Variants in IMMP1L observed in about 807,000 individuals in gnomAD.
The protein encoded by IMMP1L is inner mitochondrial membrane peptidase subunit 1.
In IMMP1L, 24 loss-of-function variants were observed where a neutral mutation model predicts 21.8. That is an observed-to-expected ratio of 1.10 (90% CI 0.80 to 1.55). IMMP1L has a LOEUF of 1.55. Among genes scored for constraint, IMMP1L ranks in the 40% most tolerant of loss-of-function variants. The pLI is 0.00. For missense variants in IMMP1L, 195 were observed against 200.7 expected, an observed-to-expected ratio of 0.97 and a Z score of 0.17; for synonymous variants, 46 against 62.8, an observed-to-expected ratio of 0.73 and a Z score of 1.26.
intron 1 of IMMP1L, among the ~76,000 whole-genome samples, chr11:31,492,754 G>T (rs756240063): frequency 6.6e-6 from 1 of 152,164 alleles, no homozygotes; most frequent in Admixed American, 6.5e-5. Flanking sequence ...CAGCGAAGGA[G>T]AGCTGGGGGG....
chr11:31,499,366 A>AAAAAC (rs144325871), intron 1 of IMMP1L, among the ~76,000 whole-genome samples: 38,888 of 150,574 alleles, frequency 0.26, 5,169 homozygotes, highest in South Asian at 0.34. Flanking sequence ...CTCCGTATCA[A>AAAAAC]AAAACAAAAC....
At chr11:31,499,647 A>AT (rs1340146933) in intron 1 of IMMP1L, among the ~76,000 whole-genome samples, 1 of 152,122 alleles carries the variant, frequency 6.6e-6, no homozygotes, top group Non-Finnish European at 1.5e-5. Context: ...GCAGCAGCAT[A>AT]TTTTTTATAA....
At chr11:31,497,069 T>C (rs998662676) in intron 1 of IMMP1L, among the ~76,000 whole-genome samples, 4 of 150,926 alleles carry the variant, frequency 2.7e-5, no homozygotes, top group African/African-American at 7.3e-5. Context: ...CACACACAGA[T>C]GGTCCCTGAC....
At chr11:31,507,987 G>T (rs73461170) in intron 1 of IMMP1L, among the ~76,000 whole-genome samples, 6,462 of 152,044 alleles carry the variant, frequency 0.043, 365 homozygotes, top group African/African-American at 0.11. Context: ...ATTTCAAAAA[G>T]TTCACAGCAT....
chr11:31,469,390 T>A (rs1954470619), intron 1 of IMMP1L, among the ~76,000 whole-genome samples: 1 of 151,568 alleles, frequency 6.6e-6, no homozygotes, highest in Admixed American at 6.6e-5. Context: ...AGTTCAGCAG[T>A]GACCTAAAAT....
intron 1 of IMMP1L, 140 bp from the exon 2 acceptor site, chr11:31,463,445 A>G: frequency 1.4e-6 from 1 of 709,548 alleles, no homozygotes; most frequent in South Asian, 3.5e-5. Context: ...AGAGTTTGTT[A>G]TCAGTTCTAA....
intron 5 of IMMP1L, 116 bp downstream of exon 5, chr11:31,433,344 A>C: frequency 1.7e-6 from 1 of 574,994 alleles, no homozygotes. Flanking sequence ...GGTTCAAAAA[A>C]TATATTCGGT....
chr11:31,494,551 T>C (rs547159498), intron 1 of IMMP1L, among the ~76,000 whole-genome samples: 11 of 152,350 alleles, frequency 7.2e-5, no homozygotes, highest in Non-Finnish European at 1.3e-4. Flanking sequence ...ACTGGGCTCC[T>C]TGTTACTCAT....
At chr11:31,443,401 A>G (rs1953405600) in intron 4 of IMMP1L, among the ~76,000 whole-genome samples, 2 of 152,228 alleles carry the variant, frequency 1.3e-5, no homozygotes, top group African/African-American at 2.4e-5. Flanking sequence ...GGACTTTTAG[A>G]ACACAAAGGT....
At chr11:31,484,583 T>C (rs1031138819) in intron 1 of IMMP1L, among the ~76,000 whole-genome samples, 3 of 151,926 alleles carry the variant, frequency 2.0e-5, no homozygotes, top group African/African-American at 2.4e-5. Flanking sequence ...AAAACTCCTA[T>C]ACATATGTTA....
intron 4 of IMMP1L, among the ~76,000 whole-genome samples, chr11:31,455,315 CAG>C: frequency 6.6e-6 from 1 of 152,200 alleles, no homozygotes; most frequent in Non-Finnish European, 1.5e-5. Flanking sequence ...GATAGTGACA[CAG>C]AAGATTTACA....
At chr11:31,458,596 G>C (rs1357219365) in intron 3 of IMMP1L, among the ~76,000 whole-genome samples, 2 of 152,060 alleles carry the variant, frequency 1.3e-5, no homozygotes, top group African/African-American at 4.8e-5. Context: ...CTAACAACAG[G>C]ACACCTTGCC....
At chr11:31,498,039 C>T (rs945021799) in intron 1 of IMMP1L, among the ~76,000 whole-genome samples, 45 of 151,992 alleles carry the variant, frequency 3.0e-4, no homozygotes, top group Admixed American at 2.7e-3. Flanking sequence ...GAAAAACGAT[C>T]GTCATGTATG....
chr11:31,502,247 T>A (rs1955644976), intron 1 of IMMP1L, among the ~76,000 whole-genome samples: 1 of 152,120 alleles, frequency 6.6e-6, no homozygotes, highest in African/African-American at 2.4e-5. Flanking sequence ...AAAACAGAAT[T>A]CAAAAAGAGG....
intron 1 of IMMP1L, among the ~76,000 whole-genome samples, chr11:31,468,985 T>G (rs973595099): frequency 1.3e-5 from 2 of 152,180 alleles, no homozygotes; most frequent in African/African-American, 4.8e-5. Flanking sequence ...CCATCCATGT[T>G]TTGATTGTAG....
chr11:31,454,475 A>AC (rs1953873198), intron 4 of IMMP1L, among the ~76,000 whole-genome samples: 1 of 148,426 alleles, frequency 6.7e-6, no homozygotes, highest in African/African-American at 2.5e-5. Context: ...AAAAAAAAAA[A>AC]CTGAAAGAGA....
intron 1 of IMMP1L, among the ~76,000 whole-genome samples, chr11:31,493,518 A>T (rs1178353695): frequency 6.6e-6 from 1 of 152,186 alleles, no homozygotes; most frequent in East Asian, 1.9e-4. Context: ...GCGTAATCAA[A>T]CCATATCATT....
intron 1 of IMMP1L, among the ~76,000 whole-genome samples, chr11:31,508,538 C>T (rs183607315): frequency 3.5e-4 from 54 of 152,218 alleles, no homozygotes; most frequent in African/African-American, 1.2e-3. Flanking sequence ...AAAATCCTCC[C>T]CAAATGAAAA....
chr11:31,473,971 T>A (rs951121450), intron 1 of IMMP1L, among the ~76,000 whole-genome samples: 7 of 152,234 alleles, frequency 4.6e-5, no homozygotes, highest in Non-Finnish European at 7.3e-5. Context: ...AATGTATTTT[T>A]GTTCCGATAG....
Sources: gnomAD v4.1 joint callset for allele counts (sites outside exome capture counted in the v4.1 genomes callset) on GRCh38, gnomAD v4.1.1 for gene constraint, MANE v1.5 for transcripts, NCBI Gene and HGNC (gene_info 2026-07-23, HGNC 2026-07-21) for gene names.